The following ANGPTL2 variants were observed in gnomAD, a reference collection of about 807,000 sequenced individuals.
ANGPTL2 encodes angiopoietin like 2, also known as angiopoietin-related protein 2.
Under a neutral mutation model 52.8 loss-of-function variants are expected in ANGPTL2, and 25 were observed. The observed-to-expected ratio is 0.47, with a 90% CI of 0.35 to 0.66. The LOEUF (loss-of-function observed/expected upper bound fraction) is 0.66, where lower values mean the gene tolerates loss of function less well. Among genes scored for constraint, ANGPTL2 ranks in the 30% least tolerant of loss-of-function variants. The probability of loss-of-function intolerance (pLI) is 0.01; values close to 1 mark genes in which losing one functional copy is unlikely to be tolerated. For synonymous variants in ANGPTL2, 276 were observed against 277.4 expected, an observed-to-expected ratio of 1.00 and a Z score of 0.05; for missense variants, 546 against 656.9, an observed-to-expected ratio of 0.83 and a Z score of 1.84.
At chr9:127,118,115 C>T (rs1387969607) in intron 1 of ANGPTL2, among the ~76,000 whole-genome samples, 1 of 152,104 alleles carries the variant, frequency 6.6e-6, no homozygotes, top group African/African-American at 2.4e-5. Context: ...AGTGCAGTGG[C>T]GCGATCTCAG....
chr9:127,116,964 C>G (rs887769848), intron 1 of ANGPTL2, among the ~76,000 whole-genome samples: 1 of 152,178 alleles, frequency 6.6e-6, no homozygotes, highest in Non-Finnish European at 1.5e-5. Flanking sequence ...AATTGGCCTC[C>G]CTGCCTTTGG....
intron 1 of ANGPTL2, among the ~76,000 whole-genome samples, chr9:127,121,964 G>A (rs889602137): frequency 6.6e-6 from 1 of 152,298 alleles, no homozygotes. Context: ...TCTTCAGTAC[G>A]CTGCCCTCTA....
intron 2 of ANGPTL2, 124 bp downstream of exon 2, chr9:127,107,791 G>A: frequency 1.0e-6 from 1 of 975,934 alleles, no homozygotes. Context: ...ATTGCTGGGG[G>A]ATTGTGCATG....
chr9:127,108,090 G>A lies in ANGPTL2; in HGVS notation c.642C>T (p.Pro214=), dbSNP rs765819647. The change falls in exon 2 of 5, where the codon CCC becomes CCT. Residue 214 remains proline (P), a synonymous_variant. Coordinates refer to ENST00000373425, the MANE Select transcript of ANGPTL2 (RefSeq NM_012098.3). The stretch of plus-strand genomic sequence containing the variant: ...GGGGCGGGGCAGCGGGGGGTGGCTG[G>A]GGGACGGGCCTGGCCGAGGGCACCC... ...CQRVPSARPV[P]QPPPAAPPRV... 122 of 1,611,672 alleles carry A rather than the reference G, an allele frequency of 7.6e-5. No individual in the cohort carries two copies. The highest frequency in any genetic ancestry group is 9.4e-5 in the Non-Finnish European group (111 of 1,178,808).
intron 1 of ANGPTL2, among the ~76,000 whole-genome samples, chr9:127,116,721 C>A (rs1188111741): frequency 2.0e-5 from 3 of 152,230 alleles, no homozygotes; most frequent in Non-Finnish European, 4.4e-5. Flanking sequence ...GCCACCTTGG[C>A]TGTTTGGATG....
intron 2 of ANGPTL2, among the ~76,000 whole-genome samples, chr9:127,100,763 A>G (rs1476950762): frequency 6.6e-6 from 1 of 152,250 alleles, no homozygotes; most frequent in Non-Finnish European, 1.5e-5. Flanking sequence ...AGATATGGAC[A>G]GGTAGCAGTC....
intron 3 of ANGPTL2, 29 bp downstream of exon 3, chr9:127,093,704 C>T (rs2052759099): frequency 3.1e-6 from 5 of 1,610,856 alleles, no homozygotes; most frequent in Non-Finnish European, 4.2e-6. Context: ...ACCTTGTGGG[C>T]AGCACAGACA....
chr9:127,103,601 T>G (rs1346161597), intron 2 of ANGPTL2, among the ~76,000 whole-genome samples: 1 of 152,220 alleles, frequency 6.6e-6, no homozygotes, highest in Non-Finnish European at 1.5e-5. Context: ...CACGTTGTAC[T>G]TTCTACTGGG....
intron 3 of ANGPTL2, among the ~76,000 whole-genome samples, chr9:127,093,065 A>G (rs1039533346): frequency 2.8e-4 from 42 of 152,152 alleles, no homozygotes; most frequent in African/African-American, 9.4e-4. Context: ...GAGATTAAAC[A>G]AAATAATGCA....
At chr9:127,106,419 T>C (rs886203243) in intron 2 of ANGPTL2, among the ~76,000 whole-genome samples, 1 of 152,238 alleles carries the variant, frequency 6.6e-6, no homozygotes, top group African/African-American at 2.4e-5. Flanking sequence ...AAGACCTAGA[T>C]CAAAGGAGGC....
rs1028644567 is a variant in ANGPTL2, at chr9:127,091,526, G to A, written c.1282+144C>T. 2.5e-5 allele frequency: 28 copies of A among 1,123,120 alleles called. No individual in the cohort carries two copies. Among genetic ancestry groups the A allele is most frequent in the Non-Finnish European group, 3.5e-5 (28 of 789,752 alleles). The allele number at this position is 1,123,120 out of a possible 1,614,324, so 69.6% of individuals were successfully genotyped here. On this transcript the variant is annotated intron_variant, in intron 4 of 4. Coordinates refer to ENST00000373425, the MANE Select transcript of ANGPTL2 (RefSeq NM_012098.3). The surrounding 1 kb of genome is among the most constrained non-coding windows in gnomAD (Gnocchi z 4.3). The stretch of plus-strand genomic sequence containing the variant: ...TGTGGGCAGGAGAAGGGACCCTCAG[G>A]GGGTGGTAACAGGGTCAGGCAGCTT...
intron 4 of ANGPTL2, among the ~76,000 whole-genome samples, chr9:127,090,237 A>G (rs1283421198): frequency 6.6e-6 from 1 of 152,134 alleles, no homozygotes; most frequent in East Asian, 1.9e-4. Context: ...CCAGCTACTG[A>G]TTTTGCTGCT....
Position 127,107,970 on chromosome 9 carries a change from A to T in ANGPTL2, c.762T>A (p.Pro254=), listed in dbSNP as rs1283778989. ...SDQNLKVLPP[P]LPTMPTLTSL... is the part of the protein sequence containing the mutation. ...TGGTGAGAGTGGGCATAGTGGGCAG[A>T]GGGGGTGGCAGCACCTTCAGGTTCT... Residue 254 remains proline (P), a synonymous_variant, in exon 2 of 5, where the codon CCT becomes CCA. Transcript: ENST00000373425. 2.7e-5 allele frequency: 43 copies of T among 1,569,510 alleles called. No homozygotes were observed. Among genetic ancestry groups the T allele is most frequent in the Non-Finnish European group, 3.5e-5 (40 of 1,153,210 alleles).
At chr9:127,102,715 AG>A (rs35053450) in intron 2 of ANGPTL2, among the ~76,000 whole-genome samples, 1 of 152,190 alleles carries the variant, frequency 6.6e-6, no homozygotes, top group Non-Finnish European at 1.5e-5. Context: ...CAAAGCAATA[AG>A]GGAGCTGGCC....
chr9:127,110,326 C>CTT (rs557261572), intron 1 of ANGPTL2, among the ~76,000 whole-genome samples: 118 of 152,310 alleles, frequency 7.7e-4, no homozygotes, highest in African/African-American at 2.7e-3. Flanking sequence ...CCTTCTTGAC[C>CTT]TTCCTTTCCA....
At chr9:127,110,021 G>A (rs914088724) in intron 1 of ANGPTL2, among the ~76,000 whole-genome samples, 8 of 152,276 alleles carry the variant, frequency 5.3e-5, no homozygotes, top group South Asian at 4.1e-4. Context: ...ATAATCATAC[G>A]GTTTTTTCTC....
intron 2 of ANGPTL2, among the ~76,000 whole-genome samples, chr9:127,104,522 T>C (rs774859874): frequency 2.0e-5 from 3 of 152,212 alleles, no homozygotes; most frequent in African/African-American, 7.2e-5. Context: ...CTAATCAAAA[T>C]GCCTTTGGGT....
Position 127,091,761 on chromosome 9 carries a change from C to T in ANGPTL2, c.1191G>A (p.Leu397=). The T allele has an allele frequency of 1.2e-6, 2 of 1,614,188 alleles. No individual in the cohort carries two copies. Among genetic ancestry groups the T allele is most frequent in the Non-Finnish European group, 1.7e-6 (2 of 1,180,044 alleles). The part of the protein sequence containing the change: ...EPESEYYKLR[L]GRYHGNAGDS... ...CACCCGCATTGCCATGGTAGCGCCC[C>T]AGCCGCAGCTTATAATACTCGCTCT... Residue 397 remains leucine, a synonymous_variant, in exon 4 of 5, where the codon CTG becomes CTA. Transcript: ENST00000373425. This position sits in a 1 kb window ranked among gnomAD's most constrained non-coding sequence, Gnocchi z 4.3.
In ANGPTL2 at chr9:127,108,177, G is replaced by A; in HGVS notation, c.555C>T (p.His185=). The part of the protein sequence containing the change: ...KYKDLEHKYQ[H]LATLAHNQSE... ...ATTGGTTGTGGGCCAGTGTGGCCAGGTGCTGGTACTTGTGCTCCAGGTCCT... is the reference window on the plus strand; with the variant it reads ...ATTGGTTGTGGGCCAGTGTGGCCAGATGCTGGTACTTGTGCTCCAGGTCCT... Residue 185 remains histidine, a synonymous_variant, in exon 2 of 5, where the codon CAC becomes CAT. Coordinates refer to ENST00000373425, the MANE Select transcript of ANGPTL2 (RefSeq NM_012098.3). 6.2e-7 allele frequency: 1 copy of A among 1,614,100 alleles called. No individual in the cohort carries two copies. Among genetic ancestry groups the A allele is most frequent in the Non-Finnish European group, 8.5e-7 (1 of 1,180,016 alleles).
Sources: gnomAD v4.1 joint callset for allele counts (sites outside exome capture counted in the v4.1 genomes callset) on GRCh38, gnomAD v4.1.1 for gene constraint, Gnocchi (gnomAD v3.1) non-coding constraint, MANE v1.5 for transcripts, NCBI Gene and HGNC (gene_info 2026-07-23, HGNC 2026-07-21) for gene names.